TBC1D9B: variants seen among roughly 807,000 people sequenced by gnomAD.
TBC1D9B encodes TBC1 domain family member 9B, also known as TBC1 domain family, member 9B (with GRAM domain).
A neutral mutation model predicts 121.1 loss-of-function variants in TBC1D9B; 87 were observed. The ratio of observed to expected loss-of-function variants is 0.72; its 90% CI spans 0.60 to 0.86. The LOEUF is 0.86. TBC1D9B is among the 40% of genes least tolerant of loss of function. The pLI, the probability that TBC1D9B is intolerant of heterozygous loss-of-function variation, is 0.00. For synonymous variants in TBC1D9B, 668 were observed against 670.1 expected (o/e 1.00, Z 0.05); for missense variants, 1,540 against 1,628.6 (o/e 0.95, Z 0.94).
intron 4 of TBC1D9B, among the ~76,000 whole-genome samples, chr5:179,893,803 C>T (rs923398978): frequency 3.9e-5 from 6 of 152,086 alleles, no homozygotes; most frequent in African/African-American, 1.2e-4. Flanking sequence ...CAGCACAGCG[C>T]GGCCAACACA....
intron 18 of TBC1D9B, chr5:179,866,430 A>C (rs1449954869): frequency 6.6e-6 from 1 of 152,618 alleles, no homozygotes; most frequent in Non-Finnish European, 1.5e-5. Context: ...CTGGGGAGAG[A>C]AGCAGCCGAC....
intron 3 of TBC1D9B, among the ~76,000 whole-genome samples, chr5:179,895,437 G>A (rs543923884): frequency 3.3e-5 from 5 of 152,138 alleles, no homozygotes; most frequent in African/African-American, 1.2e-4. Context: ...ACATCCTGGA[G>A]GACGTCCTGC....
chr5:179,878,454 T>C lies in TBC1D9B; in HGVS notation c.1637A>G (p.Tyr546Cys). The C allele has an allele frequency of 6.2e-7, 1 of 1,612,676 alleles. No individual in the cohort carries two copies. The highest frequency in any genetic ancestry group is 8.5e-7 in the Non-Finnish European group (1 of 1,179,472). The part of the protein sequence containing the change: ...AELVEKSTGK[Y>C]SLATEEIERD... ...CTCGATCTCCTCTGTGGCCAGGCTG[T>C]ACTTCCCGGTGGACTTCTCCACCAG... Residue 546 changes from tyrosine (Y) to cysteine (C), a missense_variant, in exon 10 of 21, where the codon TAC becomes TGC. Tyr to Cys is a radical substitution (Grantham distance 194, BLOSUM62 -2). Coordinates refer to ENST00000355235, the MANE Select transcript of TBC1D9B (RefSeq NM_015043.4).
chr5:179,880,606 C>T (rs1197799064), intron 7 of TBC1D9B, among the ~76,000 whole-genome samples: 3 of 152,198 alleles, frequency 2.0e-5, no homozygotes, highest in African/African-American at 7.2e-5. Flanking sequence ...TGAGAGAACC[C>T]TGATCTTGAC....
At position 179,865,478 on chromosome 5, in the gene TBC1D9B, ACAC is replaced by A; in HGVS notation, c.2915-121_2915-119del. ...GGAGTTACCAGGGCCCTATCATAAA[ACAC>A]CCTGGCGTTTGGGAAGGTGGTCATG... On this transcript the variant is annotated intron_variant, in intron 19 of 20. Coordinates refer to ENST00000355235, the MANE Select transcript of TBC1D9B (RefSeq NM_015043.4). This position sits in a 1 kb window ranked among gnomAD's most constrained non-coding sequence, Gnocchi z 5.1. The A allele has an allele frequency of 3.1e-6, 3 of 957,850 alleles. No homozygotes were observed. Among genetic ancestry groups the A allele is most frequent in the Non-Finnish European group, 4.9e-6 (3 of 612,336 alleles). The allele number at this position is 957,850 out of a possible 1,614,324, so 59.3% of individuals were successfully genotyped here. A position where few individuals can be genotyped will look rare whatever the true frequency, so the allele number is the denominator to read the frequency against.
chr5:179,883,733 G>A (rs1367698222), intron 7 of TBC1D9B, among the ~76,000 whole-genome samples: 1 of 152,094 alleles, frequency 6.6e-6, no homozygotes, highest in Non-Finnish European at 1.5e-5. Context: ...TGTTTTTCTG[G>A]TGTGCTTTCA....
intron 3 of TBC1D9B, among the ~76,000 whole-genome samples, chr5:179,897,746 T>A (rs1761059592): frequency 6.6e-6 from 1 of 152,258 alleles, no homozygotes; most frequent in Non-Finnish European, 1.5e-5. Context: ...ACAACTACTA[T>A]TATTATCATC....
rs1472668253 is a variant in TBC1D9B at position 179,862,834 on chromosome 5, TG to T, written c.*613del. ...AGGAAATATATCAGGACCTGAGGGA[TG>T]TTTTTTTAAAGTTACTGGAAAGGAT... On this transcript the variant is annotated 3_prime_UTR_variant, in exon 21 of 21. Transcript: ENST00000355235. 3.8e-4 allele frequency: 125 copies of T among 332,532 alleles called. 1 individual carries two copies. Among genetic ancestry groups the T allele is most frequent in the Non-Finnish European group, 1.5e-4 (24 of 163,572 alleles). The allele number at this position is 332,532 out of a possible 1,614,324, so 20.6% of individuals were successfully genotyped here.
chr5:179,886,882 C>T (rs1182462509), intron 7 of TBC1D9B, among the ~76,000 whole-genome samples: 2 of 152,256 alleles, frequency 1.3e-5, no homozygotes, highest in Non-Finnish European at 2.9e-5. Context: ...CGACCAGTGT[C>T]GTGCCCAGGG....
intron 12 of TBC1D9B, among the ~76,000 whole-genome samples, chr5:179,873,557 G>A (rs575851989): frequency 6.6e-6 from 1 of 152,370 alleles, no homozygotes; most frequent in South Asian, 2.1e-4. Context: ...CTACCCAGTT[G>A]GAAGGATGAC....
chr5:179,877,710 C>CTATGTAATA (rs1312219317), intron 10 of TBC1D9B, among the ~76,000 whole-genome samples: 1 of 150,992 alleles, frequency 6.6e-6, no homozygotes, highest in African/African-American at 2.4e-5. Flanking sequence ...AAAATGTGGT[C>CTATGTAATA]TATGTAATAT....
chr5:179,884,978 T>C (rs951687095), intron 7 of TBC1D9B, among the ~76,000 whole-genome samples: 10 of 152,176 alleles, frequency 6.6e-5, no homozygotes, highest in Admixed American at 6.5e-4. Flanking sequence ...AATGTTGTTA[T>C]GTGTATTTTA....
chr5:179,873,879 GA>G (rs1199791469), intron 12 of TBC1D9B, among the ~76,000 whole-genome samples: 2 of 152,158 alleles, frequency 1.3e-5, no homozygotes, highest in African/African-American at 4.8e-5. Flanking sequence ...TGCTCTGGAG[GA>G]GGCCCTATCC....
rs376084809 is a variant in TBC1D9B at position 179,904,858 on chromosome 5, C to T, written c.119-46G>A. 4 of 1,435,314 alleles carry T rather than the reference C, an allele frequency of 2.8e-6. No homozygotes were observed. In the African/African-American group the frequency reaches 4.3e-5, roughly 16 times the overall value. The allele number at this position is 1,435,314 out of a possible 1,614,324, so 88.9% of individuals were successfully genotyped here. ...CATAGAGGGTGAGGGGAGGGCCGGA[C>T]TGAGGCCCCTGAAGGCTGAGTCTGG... On this transcript the variant is annotated intron_variant, in intron 1 of 20. Transcript: ENST00000355235. This position sits in a 1 kb window ranked among gnomAD's most constrained non-coding sequence, Gnocchi z 4.2.
chr5:179,884,734 T>C (rs953155184), intron 7 of TBC1D9B, among the ~76,000 whole-genome samples: 2 of 152,210 alleles, frequency 1.3e-5, no homozygotes, highest in Non-Finnish European at 2.9e-5. Context: ...GACATCACGC[T>C]GAATGAAATA....
At chr5:179,867,874 G>T (rs1760067417) in intron 17 of TBC1D9B, 25 bp from the exon 18 acceptor site, 2 of 1,505,114 alleles carry the variant, frequency 1.3e-6, no homozygotes, top group East Asian at 4.6e-5. Context: ...AAGGCAGAGT[G>T]AGGGCAGGAG....
Position 179,879,063 on chromosome 5 carries a change from C to A in TBC1D9B, c.1551G>T (p.Leu517=). Reference sequence around the variant, plus strand: ...CCCACTCACCGGAGAAGAGGAGCCACAGCTCTCCCCGGAGGCTCTCAGGGA... The same window carrying A: ...CCCACTCACCGGAGAAGAGGAGCCAAAGCTCTCCCCGGAGGCTCTCAGGGA... The part of the protein sequence containing the change: ...KGIPESLRGE[L]WLLFSGAWNE... Residue 517 remains leucine, a synonymous_variant, in exon 9 of 21, where the codon CTG becomes CTT. Coordinates refer to ENST00000355235, the MANE Select transcript of TBC1D9B (RefSeq NM_015043.4). 6.2e-7 allele frequency: 1 copy of A among 1,603,540 alleles called. No individual in the cohort carries two copies. Among genetic ancestry groups the A allele is most frequent in the Non-Finnish European group, 8.5e-7 (1 of 1,179,856 alleles).
At position 179,907,800 on chromosome 5, in the gene TBC1D9B, C is replaced by A; in HGVS notation, c.22G>T (p.Val8Leu). MWLSPEEVLVANALWVTE... is the reference protein window; with the variant it reads MWLSPEELLVANALWVTE... ...ACCCACAGCGCATTGGCCACCAGCA[C>A]CTCCTCCGGGCTCAGCCACATCGCG... Residue 8 changes from valine (V) to leucine (L), a missense_variant, in exon 1 of 21, where the codon GTG becomes TTG. By Grantham distance (32) the Val-to-Leu change is conservative. Coordinates refer to ENST00000355235, the MANE Select transcript of TBC1D9B (RefSeq NM_015043.4). This position sits in a 1 kb window ranked among gnomAD's most constrained non-coding sequence, Gnocchi z 5.3. 1 of 1,216,342 alleles carries A rather than the reference C, an allele frequency of 8.2e-7. No homozygotes were observed. Among genetic ancestry groups the A allele is most frequent in the Admixed American group, 2.9e-5 (1 of 34,644 alleles). The allele number at this position is 1,216,342 out of a possible 1,614,324, so 75.3% of individuals were successfully genotyped here.
At chr5:179,906,068 C>T (rs1324627898) in intron 1 of TBC1D9B, among the ~76,000 whole-genome samples, 1 of 152,152 alleles carries the variant, frequency 6.6e-6, no homozygotes, top group Non-Finnish European at 1.5e-5. Context: ...TTAGTAGAGA[C>T]GGGGTTTTGC....
Sources: gnomAD v4.1 joint callset for allele counts (sites outside exome capture counted in the v4.1 genomes callset) on GRCh38, gnomAD v4.1.1 for gene constraint, Gnocchi (gnomAD v3.1) non-coding constraint, MANE v1.5 for transcripts, NCBI Gene and HGNC (gene_info 2026-07-23, HGNC 2026-07-21) for gene names.